The following SPIN4 variants were observed in gnomAD, a reference collection of about 807,000 sequenced individuals.
SPIN4 encodes spindlin-4.
In SPIN4, 4 loss-of-function variants were observed where a neutral mutation model predicts 10.4. The observed-to-expected ratio is 0.38, with a 90% CI of 0.19 to 0.88. SPIN4 has a LOEUF of 0.88. Among genes scored for constraint, SPIN4 ranks in the 40% least tolerant of loss-of-function variants. SPIN4 has a pLI of 0.40. For missense variants in SPIN4, 126 were observed against 198.7 expected, an observed-to-expected ratio of 0.63 and a Z score of 2.20; for synonymous variants, 71 against 78.4, an observed-to-expected ratio of 0.91 and a Z score of 0.50.
chrX:63,349,942 G>A lies in SPIN4; in HGVS notation c.*128C>T, dbSNP rs188779070. 5.3e-6 allele frequency: 4 copies of A among 750,284 alleles called. No homozygotes were observed. The highest frequency in any genetic ancestry group is 8.0e-5 in the Admixed American group (2 of 25,068). 61.8% of individuals were successfully genotyped at this position (750,284 alleles called of 1,213,427 possible). On this transcript the variant is annotated 3_prime_UTR_variant, in exon 1 of 1. Coordinates refer to ENST00000374884, the MANE Select transcript of SPIN4 (RefSeq NM_001012968.3). ...GAAACTAGTCAAGGTAAGATTTGTT[G>A]GCACAATAAAATTTATCCACTTTCC...
At position 63,351,146 on chromosome X, in the gene SPIN4, C is replaced by T; in HGVS notation, c.-327G>A. On this transcript the variant is annotated 5_prime_UTR_variant, in exon 1 of 1. Transcript: ENST00000374884. ...GTCCGCCCCAACCCCGACCCCAAGT[C>T]CCCGAATCGGCCACTTAGCTGTTGT... 4.4e-6 allele frequency: 1 copy of T among 225,982 alleles called. No individual in the cohort carries two copies. The highest frequency in any genetic ancestry group is 8.5e-6 in the Non-Finnish European group (1 of 117,739). The allele number at this position is 225,982 out of a possible 1,213,427, so 18.6% of individuals were successfully genotyped here. A position where few individuals can be genotyped will look rare whatever the true frequency, so the allele number is the denominator to read the frequency against.
In SPIN4 at chrX:63,351,237, G is replaced by GTAAGA. The variant is rs1932993602; in HGVS notation, c.-419_-418insTCTTA. ...CGGGGACGAAAGGCAAGGAGTAAGA[G>GTAAGA]GGATGGCTGCAGCGGCAAAGGCGCA... On this transcript the variant is annotated 5_prime_UTR_variant, in exon 1 of 1. Transcript: ENST00000374884. 1 of 138,165 alleles carries GTAAGA rather than the reference G, an allele frequency of 7.2e-6. No individual in the cohort carries two copies. The highest frequency in any genetic ancestry group is 3.1e-4 in the South Asian group (1 of 3,176). The allele number at this position is 138,165 out of a possible 1,213,427, so 11.4% of individuals were successfully genotyped here.
Position 63,347,589 on chromosome X carries a change from A to T in SPIN4, c.*2481T>A, listed in dbSNP as rs782176758. 1 of 111,827 alleles carries T rather than the reference A, an allele frequency of 8.9e-6. No homozygotes were observed. Among genetic ancestry groups the T allele is most frequent in the Admixed American group, 9.5e-5 (1 of 10,555 alleles). 9.2% of individuals were successfully genotyped at this position (111,827 alleles called of 1,213,427 possible). ...CAGGAAAAAAATTGAAAACTCACAT[A>T]TTCATATTTTTTTAAAGCTAGCACA... On this transcript the variant is annotated 3_prime_UTR_variant, in exon 1 of 1. Transcript: ENST00000374884.
In SPIN4 at chrX:63,347,482, A is replaced by G. The variant is rs1556016184; in HGVS notation, c.*2588T>C. On this transcript the variant is annotated 3_prime_UTR_variant, in exon 1 of 1. Transcript: ENST00000374884. Reference sequence around the variant, plus strand: ...AAAATCTACTATTAAAAGTGTCATCAGGATTAGATTGTTTTACACTTTGTC... The same window carrying G: ...AAAATCTACTATTAAAAGTGTCATCGGGATTAGATTGTTTTACACTTTGTC... The G allele has an allele frequency of 8.9e-6, 1 of 112,289 alleles. No homozygotes were observed. Among genetic ancestry groups the G allele is most frequent in the Non-Finnish European group, 1.9e-5 (1 of 53,154 alleles). 9.3% of individuals were successfully genotyped at this position (112,289 alleles called of 1,213,427 possible). A position where few individuals can be genotyped will look rare whatever the true frequency, so the allele number is the denominator to read the frequency against.
At position 63,351,125 on chromosome X, in the gene SPIN4, G is replaced by T. The variant is rs2146915655; in HGVS notation, c.-306C>A. 1 of 251,817 alleles carries T rather than the reference G, an allele frequency of 4.0e-6. No homozygotes were observed. The highest frequency in any genetic ancestry group is 6.7e-5 in the East Asian group (1 of 14,887). 20.8% of individuals were successfully genotyped at this position (251,817 alleles called of 1,213,427 possible). The stretch of plus-strand genomic sequence containing the variant: ...CGAGTGCTGTTCGTGCCTTGCGTCC[G>T]CCCCAACCCCGACCCCAAGTCCCCG... On this transcript the variant is annotated 5_prime_UTR_variant, in exon 1 of 1. Coordinates refer to ENST00000374884, the MANE Select transcript of SPIN4 (RefSeq NM_001012968.3).
rs1413007460 is a variant in SPIN4 at position 63,348,486 on chromosome X, G to A, written c.*1584C>T. On this transcript the variant is annotated 3_prime_UTR_variant, in exon 1 of 1. Coordinates refer to ENST00000374884, the MANE Select transcript of SPIN4 (RefSeq NM_001012968.3). Reference sequence around the variant, plus strand: ...TGCTAAGATTTAATATTATTAAAGAGCCCTCTAAACAAAAATGCAGGATTT... The same window carrying A: ...TGCTAAGATTTAATATTATTAAAGAACCCTCTAAACAAAAATGCAGGATTT... The A allele has an allele frequency of 3.6e-5, 4 of 110,394 alleles. No individual in the cohort carries two copies. Among genetic ancestry groups the A allele is most frequent in the African/African-American group, 9.8e-5 (3 of 30,459 alleles). 9.1% of individuals were successfully genotyped at this position (110,394 alleles called of 1,213,427 possible). A position where few individuals can be genotyped will look rare whatever the true frequency, so the allele number is the denominator to read the frequency against.
In SPIN4 at chrX:63,350,908, AT is replaced by A; in HGVS notation, c.-90del. ...CAACACTATGCAATATGATATATATATTTTTTGCGATCTCAAAGACCTGGTC... is the reference window on the plus strand; with the variant it reads ...CAACACTATGCAATATGATATATATATTTTTGCGATCTCAAAGACCTGGTC... On this transcript the variant is annotated 5_prime_UTR_variant, in exon 1 of 1. Coordinates refer to ENST00000374884, the MANE Select transcript of SPIN4 (RefSeq NM_001012968.3). The A allele has an allele frequency of 9.4e-7, 1 of 1,066,190 alleles. No homozygotes were observed. The highest frequency in any genetic ancestry group is 1.2e-6 in the Non-Finnish European group (1 of 802,417). The allele number at this position is 1,066,190 out of a possible 1,213,427, so 87.9% of individuals were successfully genotyped here.
rs1932974183 is a variant in SPIN4 at position 63,349,561 on chromosome X, G to C, written c.*509C>G. 1 of 114,001 alleles carries C rather than the reference G, an allele frequency of 8.8e-6. No individual in the cohort carries two copies. Among genetic ancestry groups the C allele is most frequent in the South Asian group, 3.6e-4 (1 of 2,779 alleles). 9.4% of individuals were successfully genotyped at this position (114,001 alleles called of 1,213,427 possible). On this transcript the variant is annotated 3_prime_UTR_variant, in exon 1 of 1. Coordinates refer to ENST00000374884, the MANE Select transcript of SPIN4 (RefSeq NM_001012968.3). Reference sequence around the variant, plus strand: ...GGCCAGAGAGAGCCAGAGAGAGCAAGAAAGACTGAAGCTACTGATAAGAAG... The same window carrying C: ...GGCCAGAGAGAGCCAGAGAGAGCAACAAAGACTGAAGCTACTGATAAGAAG...
chrX:63,349,842 A>G lies in SPIN4; in HGVS notation c.*228T>C, dbSNP rs1556016447. 1.1e-5 allele frequency: 4 copies of G among 357,634 alleles called. No individual in the cohort carries two copies. The East Asian group carries it at 1.3e-4, about 12-fold the overall frequency. The allele number at this position is 357,634 out of a possible 1,213,427, so 29.5% of individuals were successfully genotyped here. A position where few individuals can be genotyped will look rare whatever the true frequency, so the allele number is the denominator to read the frequency against. On this transcript the variant is annotated 3_prime_UTR_variant, in exon 1 of 1. Coordinates refer to ENST00000374884, the MANE Select transcript of SPIN4 (RefSeq NM_001012968.3). ...TGCAAACACTTTTTAATTTTCTATT[A>G]GCACCCAATTTAACTGTTAAGTTAC...
In SPIN4 at chrX:63,350,933, T is replaced by A; in HGVS notation, c.-114A>T. On this transcript the variant is annotated 5_prime_UTR_variant, in exon 1 of 1. Coordinates refer to ENST00000374884, the MANE Select transcript of SPIN4 (RefSeq NM_001012968.3). The stretch of plus-strand genomic sequence containing the variant: ...ATTTTTTGCGATCTCAAAGACCTGG[T>A]CTGTGCTCCCTTCTCCAAGTGCAAG... 1.1e-6 allele frequency: 1 copy of A among 947,583 alleles called. No individual in the cohort carries two copies. Among genetic ancestry groups the A allele is most frequent in the Non-Finnish European group, 1.4e-6 (1 of 703,067 alleles). The allele number at this position is 947,583 out of a possible 1,213,427, so 78.1% of individuals were successfully genotyped here.
rs1389782022 is a variant in SPIN4, at chrX:63,350,548, C to A, written c.272G>T (p.Arg91Leu). The A allele has an allele frequency of 8.3e-7, 1 of 1,210,304 alleles. No individual in the cohort carries two copies. The highest frequency in any genetic ancestry group is 1.1e-6 in the Non-Finnish European group (1 of 894,710). The part of the protein sequence containing the change: ...KDSVYGLELH[R>L]DKRVLALEIL... The stretch of plus-strand genomic sequence containing the variant: ...CTCTAGCGCTAAAACTCTCTTATCG[C>A]GGTGCAGTTCTAGTCCATACACACT... The change falls in exon 1 of 1, where the codon CGC becomes CTC. Residue 91 changes from arginine (R) to leucine (L), a missense_variant. By Grantham distance (102) the Arg-to-Leu change is moderately radical. Coordinates refer to ENST00000374884, the MANE Select transcript of SPIN4 (RefSeq NM_001012968.3).
chrX:63,348,183 A>G lies in SPIN4; in HGVS notation c.*1887T>C, dbSNP rs1401871878. The G allele has an allele frequency of 5.4e-5, 6 of 111,369 alleles. No individual in the cohort carries two copies. Among genetic ancestry groups the G allele is most frequent in the African/African-American group, 2.0e-4 (6 of 30,745 alleles). The allele number at this position is 111,369 out of a possible 1,213,427, so 9.2% of individuals were successfully genotyped here. On this transcript the variant is annotated 3_prime_UTR_variant, in exon 1 of 1. Transcript: ENST00000374884. ...TCAGGTGAAATAATTTCATATCTAG[A>G]AAACCCAAAATATTATATTCTTAAA...
In SPIN4 at chrX:63,350,140, G is replaced by A; in HGVS notation, c.680C>T (p.Pro227Leu). The A allele has an allele frequency of 8.3e-7, 1 of 1,211,196 alleles. No individual in the cohort carries two copies. The highest frequency in any genetic ancestry group is 1.1e-6 in the Non-Finnish European group (1 of 895,065). ...ATCAAACTTAATGAAGTAAACAGAT[G>A]GCTTCGCCACCACTTGATGTATAAA... ...GIFIHQVVAK[P>L]SVYFIKFDDD... is the part of the protein sequence containing the mutation. The change falls in exon 1 of 1, where the codon CCA becomes CTA. Residue 227 changes from proline to leucine, a missense_variant. Transcript: ENST00000374884.
chrX:63,350,187 G>A lies in SPIN4; in HGVS notation c.633C>T (p.Asp211=), dbSNP rs1932980075. 1 of 1,209,887 alleles carries A rather than the reference G, an allele frequency of 8.3e-7. No individual in the cohort carries two copies. The highest frequency in any genetic ancestry group is 1.8e-5 in the African/African-American group (1 of 57,126). ...VGKQVEHAKD[D]GSKRTGIFIH... ...TAAAAATGCCAGTTCTCTTGGACCC[G>A]TCATCTTTGGCATGCTCCACCTGCT... The change falls in exon 1 of 1, where the codon GAC becomes GAT. Residue 211 remains aspartate (D), a synonymous_variant. Transcript: ENST00000374884.
In SPIN4 at chrX:63,349,778, T is replaced by C. The variant is rs1355391956; in HGVS notation, c.*292A>G. ...AAGGACGGGGTGTGGGTTTACACCA[T>C]TAATTTTTCTTAATCTATTTTTGCA... On this transcript the variant is annotated 3_prime_UTR_variant, in exon 1 of 1. Transcript: ENST00000374884. 4.2e-6 allele frequency: 1 copy of C among 240,369 alleles called. No individual in the cohort carries two copies. Among genetic ancestry groups the C allele is most frequent in the Admixed American group, 6.2e-5 (1 of 16,032 alleles). 19.8% of individuals were successfully genotyped at this position (240,369 alleles called of 1,213,427 possible). A position where few individuals can be genotyped will look rare whatever the true frequency, so the allele number is the denominator to read the frequency against.
Position 63,347,403 on chromosome X carries a change from T to C in SPIN4, c.*2667A>G, listed in dbSNP as rs1457881797. On this transcript the variant is annotated 3_prime_UTR_variant, in exon 1 of 1. Coordinates refer to ENST00000374884, the MANE Select transcript of SPIN4 (RefSeq NM_001012968.3). ...GTCACAGAGAATGTATATACCTTTT[T>C]AATAAAAAGCCTGAATAAACCAATA... 8.9e-6 allele frequency: 1 copy of C among 111,857 alleles called. No individual in the cohort carries two copies. The highest frequency in any genetic ancestry group is 9.5e-5 in the Admixed American group (1 of 10,531). 9.2% of individuals were successfully genotyped at this position (111,857 alleles called of 1,213,427 possible). A position where few individuals can be genotyped will look rare whatever the true frequency, so the allele number is the denominator to read the frequency against.
chrX:63,350,625 C>T lies in SPIN4; in HGVS notation c.195G>A (p.Glu65=). 8.3e-7 allele frequency: 1 copy of T among 1,210,136 alleles called. No homozygotes were observed. Among genetic ancestry groups the T allele is most frequent in the Non-Finnish European group, 1.1e-6 (1 of 894,522 alleles). ...AAAGAGTGGGCTTCACGGAAACCTG[C>T]TCGAGCACAGTACCCTTCCACTGCT... ...PVEQWKGTVL[E]QVSVKPTLYI... is the part of the protein sequence containing the mutation. The change falls in exon 1 of 1, where the codon GAG becomes GAA. Residue 65 remains glutamate (E), a synonymous_variant. Coordinates refer to ENST00000374884, the MANE Select transcript of SPIN4 (RefSeq NM_001012968.3).
In SPIN4 at chrX:63,349,983, T is replaced by G. The variant is rs1242138153; in HGVS notation, c.*87A>C. On this transcript the variant is annotated 3_prime_UTR_variant, in exon 1 of 1. Coordinates refer to ENST00000374884, the MANE Select transcript of SPIN4 (RefSeq NM_001012968.3). Reference sequence around the variant, plus strand: ...TCCACTTTCCTGAATTTCTGACACCTAAACTCTTCTCTGCGTTCACAACTA... The same window carrying G: ...TCCACTTTCCTGAATTTCTGACACCGAAACTCTTCTCTGCGTTCACAACTA... The G allele has an allele frequency of 1.0e-6, 1 of 997,949 alleles. No individual in the cohort carries two copies. Among genetic ancestry groups the G allele is most frequent in the Non-Finnish European group, 1.3e-6 (1 of 746,162 alleles). 82.2% of individuals were successfully genotyped at this position (997,949 alleles called of 1,213,427 possible).
At position 63,347,584 on chromosome X, in the gene SPIN4, C is replaced by T. The variant is rs1340610858; in HGVS notation, c.*2486G>A. The T allele has an allele frequency of 9.0e-6, 1 of 111,392 alleles. No homozygotes were observed. The highest frequency in any genetic ancestry group is 3.3e-5 in the African/African-American group (1 of 30,742). 9.2% of individuals were successfully genotyped at this position (111,392 alleles called of 1,213,427 possible). On this transcript the variant is annotated 3_prime_UTR_variant, in exon 1 of 1. Transcript: ENST00000374884. ...GACCACAGGAAAAAAATTGAAAACT[C>T]ACATATTCATATTTTTTTAAAGCTA...
Sources: allele counts gnomAD v4.1 joint callset, GRCh38; gene constraint gnomAD v4.1.1; transcripts MANE v1.5; gene names NCBI Gene and HGNC (gene_info 2026-07-23, HGNC 2026-07-21).